The following PTN variants were observed in gnomAD, a reference collection of about 807,000 sequenced individuals.
The protein encoded by PTN is pleiotrophin, also known as heparin affin regulatory protein.
Under a neutral mutation model 24.1 loss-of-function variants are expected in PTN, and 18 were observed. The ratio of observed to expected loss-of-function variants is 0.75; its 90% CI spans 0.52 to 1.11. PTN has a LOEUF of 1.11. Ranked by LOEUF, PTN falls within the 50% of genes least tolerant of loss-of-function variation. The pLI is 0.00. For synonymous variants in PTN, 78 were observed against 68.6 expected, an observed-to-expected ratio of 1.14 and a Z score of -0.67; for missense variants, 163 against 198.8, an observed-to-expected ratio of 0.82 and a Z score of 1.08.
chr7:137,291,517 G>A lies in PTN; in HGVS notation c.-1-36543C>T, dbSNP rs1228979112. ...TCTTTGTTCACATGAAGGCAGCTGG[G>A]CACCTGTACCTCACAGGTTGGGCAT... On this transcript the variant is annotated intron_variant, in intron 1 of 4. Transcript: ENST00000348225. Among the ~76,000 whole-genome samples, 3 of 152,000 alleles carry A rather than the reference G, an allele frequency of 2.0e-5. No individual in the cohort carries two copies. The East Asian group carries it at 5.8e-4, about 29-fold the overall frequency.
chr7:137,283,215 T>A (rs751077880), intron 1 of PTN, among the ~76,000 whole-genome samples: 1 of 152,186 alleles, frequency 6.6e-6, no homozygotes, highest in Non-Finnish European at 1.5e-5. Flanking sequence ...AGGTTATTAA[T>A]GCCTGGTTCC....
chr7:137,337,428 CCACT>C (rs1810466308), intron 1 of PTN, among the ~76,000 whole-genome samples: 1 of 151,890 alleles, frequency 6.6e-6, no homozygotes, highest in Non-Finnish European at 1.5e-5. Context: ...TTTAAAAATC[CCACT>C]CAATCTACCT....
At chr7:137,284,440 T>C (rs2128876483) in intron 1 of PTN, among the ~76,000 whole-genome samples, 1 of 152,210 alleles carries the variant, frequency 6.6e-6, no homozygotes, top group East Asian at 1.9e-4. Context: ...CACTGACCTC[T>C]CTCTCTCTCA....
chr7:137,265,216 A>G (rs1249196389), intron 1 of PTN, among the ~76,000 whole-genome samples: 1 of 152,182 alleles, frequency 6.6e-6, no homozygotes, highest in African/African-American at 2.4e-5. Flanking sequence ...TGGGACTCCA[A>G]CTGCGTCTAA....
intron 4 of PTN, among the ~76,000 whole-genome samples, chr7:137,230,115 C>G (rs982716217): frequency 3.3e-5 from 5 of 151,722 alleles, no homozygotes; most frequent in Non-Finnish European, 1.5e-5. Context: ...ATACATAAGT[C>G]TGAGCAGATG....
intron 1 of PTN, among the ~76,000 whole-genome samples, chr7:137,321,352 T>G (rs1246004774): frequency 2.0e-5 from 3 of 152,208 alleles, no homozygotes; most frequent in African/African-American, 7.2e-5. Context: ...TGCATCTTTC[T>G]TTGGCTTTAA....
rs1478068937 is a variant in PTN, at chr7:137,334,064, C to T, written c.-2+9375G>A. 6.6e-5 allele frequency among the ~76,000 whole-genome samples: 10 copies of T among 152,258 alleles called. No individual in the cohort carries two copies. In the East Asian group the frequency reaches 9.7e-4, roughly 15 times the overall value. On this transcript the variant is annotated intron_variant, in intron 1 of 4. Coordinates refer to ENST00000348225, the MANE Select transcript of PTN (RefSeq NM_002825.7). ...ATTCAAGACGGATTAAAGACTTAAA[C>T]GCTAGACCTAAAACCATAAAAACCC...
At chr7:137,308,499 A>G (rs1423873999) in intron 1 of PTN, among the ~76,000 whole-genome samples, 1 of 152,172 alleles carries the variant, frequency 6.6e-6, no homozygotes, top group Non-Finnish European at 1.5e-5. Flanking sequence ...GGGATTATCC[A>G]TCTACTTTCT....
At chr7:137,228,678 T>C (rs1839780) in intron 4 of PTN, among the ~76,000 whole-genome samples, 37,720 of 151,670 alleles carry the variant, frequency 0.25, 6,094 homozygotes, top group African/African-American at 0.45. Context: ...AACTCCTAGT[T>C]TGGGGTAAAA....
intron 1 of PTN, among the ~76,000 whole-genome samples, chr7:137,270,902 G>T (rs1429441204): frequency 6.6e-6 from 1 of 152,174 alleles, no homozygotes; most frequent in South Asian, 2.1e-4. Context: ...AGCAAGTGAG[G>T]TATGGTATCT....
chr7:137,324,536 T>TTAC (rs1403097560), intron 1 of PTN, among the ~76,000 whole-genome samples: 4 of 150,900 alleles, frequency 2.7e-5, no homozygotes, highest in African/African-American at 9.8e-5. Flanking sequence ...CCCATGAGAT[T>TTAC]CTAAAGAACA....
chr7:137,239,959 C>G (rs142357393), intron 4 of PTN, among the ~76,000 whole-genome samples: 59 of 152,210 alleles, frequency 3.9e-4, no homozygotes, highest in African/African-American at 1.1e-3. Context: ...TTGAGCAAAA[C>G]AAGCTCTCTT....
At chr7:137,326,135 T>C (rs889844335) in intron 1 of PTN, 4 of 152,212 alleles carry the variant, frequency 2.6e-5, no homozygotes, top group African/African-American at 9.6e-5. Flanking sequence ...AATTACCAAG[T>C]GCTACAAGCC....
rs147634478 is a variant in PTN at position 137,291,080 on chromosome 7, T to C, written c.-1-36106A>G. ...AAATAAATCTATAAAATCTGAGTTA[T>C]AGCTATGCACAAAAATTGTGATATA... On this transcript the variant is annotated intron_variant, in intron 1 of 4. Transcript: ENST00000348225. Among the ~76,000 whole-genome samples the C allele has an allele frequency of 3.2e-3, 491 of 152,270 alleles. 5 individuals are homozygous for C. The highest frequency in any genetic ancestry group is 0.011 in the African/African-American group (463 of 41,568).
At chr7:137,329,713 T>TG (rs1225745636) in intron 1 of PTN, among the ~76,000 whole-genome samples, 2 of 152,164 alleles carry the variant, frequency 1.3e-5, no homozygotes, top group African/African-American at 2.4e-5. Flanking sequence ...AGTAGTAAAA[T>TG]GTTACTCCAA....
Position 137,343,520 on chromosome 7 carries a change from C to T in PTN, c.-83G>A, listed in dbSNP as rs938811951. On this transcript the variant is annotated 5_prime_UTR_variant, in exon 1 of 5. Transcript: ENST00000348225. ...GTTGCTACCGCTGAGTCCAGGTACC[C>T]GGCTCGCTGCAGCTCCTGCTTGGGC... 6 of 518,800 alleles carry T rather than the reference C, an allele frequency of 1.2e-5. No individual in the cohort carries two copies. Among genetic ancestry groups the T allele is most frequent in the South Asian group, 4.2e-5 (3 of 71,582 alleles). The allele number at this position is 518,800 out of a possible 1,614,324, so 32.1% of individuals were successfully genotyped here.
In PTN at chr7:137,342,648, C is replaced by T. The variant is rs1810553902; in HGVS notation, c.-2+791G>A. ...TAAGAAAGGAGTTGAATACATTCCT[C>T]TCAAAAAATGTTTTCTTAACTTATT... On this transcript the variant is annotated intron_variant, in intron 1 of 4. Coordinates refer to ENST00000348225, the MANE Select transcript of PTN (RefSeq NM_002825.7). Among the ~76,000 whole-genome samples, 8 of 152,124 alleles carry T rather than the reference C, an allele frequency of 5.3e-5. No homozygotes were observed. The South Asian group carries it at 1.7e-3, about 32-fold the overall frequency.
At chr7:137,241,245 T>A (rs1312188930) in intron 4 of PTN, among the ~76,000 whole-genome samples, 1 of 152,170 alleles carries the variant, frequency 6.6e-6, no homozygotes, top group African/African-American at 2.4e-5. Flanking sequence ...GAGATGAGAT[T>A]TGTGTCGGGA....
intron 1 of PTN, among the ~76,000 whole-genome samples, chr7:137,297,056 C>T (rs1269262792): frequency 2.0e-5 from 3 of 152,048 alleles, no homozygotes; most frequent in Non-Finnish European, 4.4e-5. Context: ...GAGGCTGATG[C>T]CACAGGGAAA....
Sources: gnomAD v4.1 joint callset for allele counts (sites outside exome capture counted in the v4.1 genomes callset) on GRCh38, gnomAD v4.1.1 for gene constraint, MANE v1.5 for transcripts, NCBI Gene and HGNC (gene_info 2026-07-23, HGNC 2026-07-21) for gene names.